The following ARHGEF18 variants were observed in gnomAD, a reference collection of about 807,000 sequenced individuals.
The protein encoded by ARHGEF18 is Rho/Rac guanine nucleotide exchange factor 18, also known as rho guanine nucleotide exchange factor 18.
Under a neutral mutation model 155.7 loss-of-function variants are expected in ARHGEF18, and 93 were observed. The observed-to-expected ratio is 0.60, with a 90% CI of 0.50 to 0.71. The LOEUF (loss-of-function observed/expected upper bound fraction) is 0.71. Among genes scored for constraint, ARHGEF18 ranks in the 30% least tolerant of loss-of-function variants. The pLI, the probability that ARHGEF18 is intolerant of heterozygous loss-of-function variation, is 0.00. For missense variants in ARHGEF18, 1,593 were observed against 1,816.1 expected (o/e 0.88, Z 2.23); for synonymous variants, 742 against 753.1 (o/e 0.99, Z 0.24).
At chr19:7,362,155 G>GAGGAGAAGAAGGAGAAGA (rs879464103) in intron 1 of ARHGEF18, among the ~76,000 whole-genome samples, 2 of 37,638 alleles carry the variant, frequency 5.3e-5, no homozygotes, top group South Asian at 8.1e-4. Flanking sequence ...GAAGGAGAAG[G>GAGGAGAAGAAGGAGAAGA]AGGAGAAGAA....
At chr19:7,436,051 T>G (rs78882994) in intron 10 of ARHGEF18, among the ~76,000 whole-genome samples, 1,852 of 152,258 alleles carry the variant, frequency 0.012, 31 homozygotes, top group African/African-American at 0.042. Flanking sequence ...TTGCCCAGAC[T>G]GGTCTCTAAC....
chr19:7,437,169 C>T (rs1216449941), intron 10 of ARHGEF18, among the ~76,000 whole-genome samples: 2 of 152,122 alleles, frequency 1.3e-5, no homozygotes, highest in African/African-American at 4.8e-5. Flanking sequence ...TGGCTCAAGC[C>T]TGTAATCCCA....
chr19:7,358,255 ATTCT>A (rs1462862356), intron 1 of ARHGEF18, among the ~76,000 whole-genome samples: 92 of 137,262 alleles, frequency 6.7e-4, no homozygotes, highest in East Asian at 1.6e-3. Context: ...CCATCCACCC[ATTCT>A]TCCATCCATT....
intron 10 of ARHGEF18, among the ~76,000 whole-genome samples, chr19:7,389,317 ATTTTT>A (rs1203819709): frequency 8.9e-6 from 1 of 112,980 alleles, no homozygotes; most frequent in Non-Finnish European, 1.8e-5. Context: ...TACCAGGATA[ATTTTT>A]TTTTTTTTTT....
At chr19:7,431,522 A>AAG (rs1568328052) in intron 10 of ARHGEF18, among the ~76,000 whole-genome samples, 1 of 150,610 alleles carries the variant, frequency 6.6e-6, no homozygotes, top group Non-Finnish European at 1.5e-5. Context: ...AAAAAAAAAA[A>AAG]AAAAAAAAAA....
At chr19:7,411,680 G>A (rs1972695674) in intron 10 of ARHGEF18, among the ~76,000 whole-genome samples, 1 of 152,028 alleles carries the variant, frequency 6.6e-6, no homozygotes, top group Non-Finnish European at 1.5e-5. Context: ...ACACATTGCT[G>A]ATGCTACCAT....
At chr19:7,409,306 C>T (rs76952778) in intron 10 of ARHGEF18, among the ~76,000 whole-genome samples, 16,535 of 135,294 alleles carry the variant, frequency 0.12, 2,158 homozygotes, top group African/African-American at 0.34. Context: ...TGATCCACCG[C>T]GTCCGGCCGA....
In ARHGEF18 at chr19:7,440,294, C is replaced by G; in HGVS notation, c.968-50C>G. 6.3e-7 allele frequency: 1 copy of G among 1,583,374 alleles called. No individual in the cohort carries two copies. The highest frequency in any genetic ancestry group is 8.6e-7 in the Non-Finnish European group (1 of 1,165,326). ...GGGGCTTCCGCGCCGGGGACCTCCGCTACCCGACCCACTTTCTCAGCACCA... is the reference window on the plus strand; with the variant it reads ...GGGGCTTCCGCGCCGGGGACCTCCGGTACCCGACCCACTTTCTCAGCACCA... On this transcript the variant is annotated intron_variant, in intron 10 of 28. Transcript: ENST00000668164. This position sits in a 1 kb window ranked among gnomAD's most constrained non-coding sequence, Gnocchi z 5.4.
rs1207233783 is a variant in ARHGEF18 at position 7,471,144 on chromosome 19, A to G, written c.*846A>G. 4.0e-5 allele frequency: 10 copies of G among 252,180 alleles called. No homozygotes were observed. Among genetic ancestry groups the G allele is most frequent in the Non-Finnish European group, 1.5e-5 (2 of 133,260 alleles). The allele number at this position is 252,180 out of a possible 1,614,324, so 15.6% of individuals were successfully genotyped here. A position where few individuals can be genotyped will look rare whatever the true frequency, so the allele number is the denominator to read the frequency against. ...CAGGGCGGGTACACACCCTGGGCAC[A>G]GGGTCCTCAGCCCCCGGGAAATGAG... On this transcript the variant is annotated 3_prime_UTR_variant, in exon 29 of 29. Transcript: ENST00000668164. This position sits in a 1 kb window ranked among gnomAD's most constrained non-coding sequence, Gnocchi z 4.4.
chr19:7,415,411 G>A (rs570981829), intron 10 of ARHGEF18, among the ~76,000 whole-genome samples: 293 of 150,276 alleles, frequency 1.9e-3, no homozygotes, highest in Middle Eastern at 6.9e-3. Flanking sequence ...TCGAGGTCCC[G>A]GTCCCCCTGC....
intron 10 of ARHGEF18, among the ~76,000 whole-genome samples, chr19:7,410,596 G>A (rs1972615184): frequency 6.6e-6 from 1 of 151,784 alleles, no homozygotes. Flanking sequence ...GATCATCTGA[G>A]GTCAGGAGTT....
chr19:7,437,483 G>A (rs936335741), intron 10 of ARHGEF18, among the ~76,000 whole-genome samples: 29 of 151,398 alleles, frequency 1.9e-4, no homozygotes, highest in Non-Finnish European at 3.1e-4. Flanking sequence ...GAGCTGCTGC[G>A]AGTACGTTTT....
At position 7,466,981 on chromosome 19, in the gene ARHGEF18, G is replaced by A. The variant is rs1363384215; in HGVS notation, c.2961+7G>A. 6 of 1,613,132 alleles carry A rather than the reference G, an allele frequency of 3.7e-6. No individual in the cohort carries two copies. The highest frequency in any genetic ancestry group is 1.7e-5 in the Admixed American group (1 of 59,996). ...CACCGTCCTGGAGTCGGAGGTAGGC[G>A]CCCGCGGGTCTCCATCTCCCCAGGG... On this transcript the variant is annotated splice_region_variant and intron_variant, in intron 24 of 28. Coordinates refer to ENST00000668164, the MANE Select transcript of ARHGEF18 (RefSeq NM_001367823.1).
chr19:7,377,629 C>T (rs1362528889), intron 5 of ARHGEF18, among the ~76,000 whole-genome samples: 1 of 151,638 alleles, frequency 6.6e-6, no homozygotes, highest in African/African-American at 2.4e-5. Context: ...ACTAAAAATA[C>T]AAAAAACAAT....
intron 10 of ARHGEF18, chr19:7,440,000 A>G (rs1974521321): frequency 1.3e-6 from 2 of 1,549,922 alleles, no homozygotes; most frequent in Non-Finnish European, 1.7e-6. Context: ...CCAATACAGC[A>G]AGGGAAGACG....
Position 7,467,506 on chromosome 19 carries a change from G to C in ARHGEF18, c.3302G>C (p.Arg1101Pro), listed in dbSNP as rs1232452284. The C allele has an allele frequency of 1.4e-6, 2 of 1,431,802 alleles. No individual in the cohort carries two copies. Among genetic ancestry groups the C allele is most frequent in the Non-Finnish European group, 1.8e-6 (2 of 1,105,006 alleles). 88.7% of individuals were successfully genotyped at this position (1,431,802 alleles called of 1,614,324 possible). ...REGEARQLRERLEQERAELER... is the reference protein window; with the variant it reads ...REGEARQLREPLEQERAELER... ...GGCGAGGCGCGGCAGCTACGCGAGCGGCTGGAGCAGGAGCGGGCCGAGCTG... is the reference window on the plus strand; with the variant it reads ...GGCGAGGCGCGGCAGCTACGCGAGCCGCTGGAGCAGGAGCGGGCCGAGCTG... Residue 1101 changes from arginine (R) to proline (P), a missense_variant, in exon 26 of 29, where the codon CGG becomes CCG. Physicochemically the swap from Arg to Pro is moderately radical, Grantham distance 103. Transcript: ENST00000668164.
At position 7,464,707 on chromosome 19, in the gene ARHGEF18, T is replaced by G. The variant is rs753181200; in HGVS notation, c.2904+17T>G. Reference sequence around the variant, plus strand: ...CCGCAGGTGGTACGTGGATATCCATTTGCTCGGTACAGTCTGAGTCGTCAT... The same window carrying G: ...CCGCAGGTGGTACGTGGATATCCATGTGCTCGGTACAGTCTGAGTCGTCAT... On this transcript the variant is annotated intron_variant, in intron 23 of 28. Transcript: ENST00000668164. 1 of 1,613,886 alleles carries G rather than the reference T, an allele frequency of 6.2e-7. No individual in the cohort carries two copies. Among genetic ancestry groups the G allele is most frequent in the South Asian group, 1.1e-5 (1 of 91,080 alleles).
chr19:7,383,331 G>A (rs747265688), intron 10 of ARHGEF18, 128 bp downstream of exon 10: 25 of 1,100,180 alleles, frequency 2.3e-5, no homozygotes, highest in East Asian at 9.7e-5. Context: ...TCTCCTCGGC[G>A]GCTCCCTGGA....
intron 1 of ARHGEF18, among the ~76,000 whole-genome samples, chr19:7,357,799 C>T (rs78556472): frequency 0.021 from 3,163 of 152,120 alleles, 94 homozygotes; most frequent in African/African-American, 0.063. Context: ...GAACTGAGAC[C>T]TTCAGTGAAG....
Sources: gnomAD v4.1 joint callset for allele counts (sites outside exome capture counted in the v4.1 genomes callset) on GRCh38, gnomAD v4.1.1 for gene constraint, Gnocchi (gnomAD v3.1) non-coding constraint, MANE v1.5 for transcripts, NCBI Gene and HGNC (gene_info 2026-07-23, HGNC 2026-07-21) for gene names.